Variants in EPHA7 observed in about 807,000 individuals in gnomAD.
EPHA7 encodes EPH receptor A7.
In EPHA7, 25 loss-of-function variants were observed where a neutral mutation model predicts 112.6. The ratio of observed to expected loss-of-function variants is 0.22; its 90% CI spans 0.16 to 0.31. The LOEUF is 0.31. Among genes scored for constraint, EPHA7 ranks in the 10% least tolerant of loss-of-function variants. EPHA7 has a pLI of 1.00. For missense variants in EPHA7, 962 were observed against 1,212.6 expected, an observed-to-expected ratio of 0.79 and a Z score of 3.07; for synonymous variants, 437 against 406.5, an observed-to-expected ratio of 1.07 and a Z score of -0.90.
chr6:93,272,272 A>G, intron 6 of EPHA7, 26 bp downstream of exon 6: 2 of 1,610,380 alleles, frequency 1.2e-6, no homozygotes, highest in Non-Finnish European at 1.7e-6. Flanking sequence ...AGCACATTGT[A>G]CATTTCAGTT....
In EPHA7 at chr6:93,410,691, G is replaced by A. The variant is rs1778934817; in HGVS notation, c.642C>T (p.Ile214=). The A allele has an allele frequency of 1.2e-6, 2 of 1,614,060 alleles. No individual in the cohort carries two copies. Among genetic ancestry groups the A allele is most frequent in the Non-Finnish European group, 1.7e-6 (2 of 1,179,972 alleles). Residue 214 remains isoleucine, a synonymous_variant, in exon 3 of 17, where the codon ATC becomes ATT. Transcript: ENST00000369303. The surrounding 1 kb of genome is among the most constrained non-coding windows in gnomAD (Gnocchi z 4.0). ...CTGAACCAGTCACTGTATCTGGAAA[G>A]ATAGCTAAGTTCTCAATAATGGACC... The part of the protein sequence containing the change: ...KCWSIIENLA[I]FPDTVTGSEF...
chr6:93,269,413 G>GA (rs1159580559), intron 7 of EPHA7, 64 bp downstream of exon 7: 2 of 1,406,702 alleles, frequency 1.4e-6, no homozygotes, highest in East Asian at 2.4e-5. Context: ...CCTCAATATT[G>GA]AAAAAAATAT....
intron 16 of EPHA7, among the ~76,000 whole-genome samples, chr6:93,244,897 C>G (rs967049953): frequency 6.6e-6 from 1 of 152,032 alleles, no homozygotes; most frequent in African/African-American, 2.4e-5. Context: ...GAAAGTTTCC[C>G]CAGTGAATAG....
chr6:93,373,883 TA>T (rs1776924078), intron 3 of EPHA7, among the ~76,000 whole-genome samples: 1 of 152,046 alleles, frequency 6.6e-6, no homozygotes, highest in South Asian at 2.1e-4. Flanking sequence ...TCATTTGACA[TA>T]TACTAGTACA....
chr6:93,372,997 TATACTCTTACA>T (rs149317651), intron 3 of EPHA7, among the ~76,000 whole-genome samples: 4,367 of 152,160 alleles, frequency 0.029, 110 homozygotes, highest in Non-Finnish European at 0.039. Context: ...AATTATGGTA[TATACTCTTACA>T]ATTTAGAGTG....
At chr6:93,331,136 TA>T in intron 5 of EPHA7, among the ~76,000 whole-genome samples, 1 of 151,482 alleles carries the variant, frequency 6.6e-6, no homozygotes, top group Non-Finnish European at 1.5e-5. Context: ...GGAAATGCAG[TA>T]AATCTGTAAA....
At chr6:93,299,499 T>C (rs1402838772) in intron 5 of EPHA7, among the ~76,000 whole-genome samples, 1 of 152,078 alleles carries the variant, frequency 6.6e-6, no homozygotes. Context: ...GCTGGCAAGG[T>C]TGCAGAAAAA....
At chr6:93,375,842 A>C (rs758927796) in intron 3 of EPHA7, among the ~76,000 whole-genome samples, 27 of 152,136 alleles carry the variant, frequency 1.8e-4, no homozygotes, top group Admixed American at 3.9e-4. Flanking sequence ...GGAATCTGAC[A>C]ATTTTTCTTC....
chr6:93,358,673 T>C (rs1776085387), intron 3 of EPHA7, among the ~76,000 whole-genome samples: 1 of 152,218 alleles, frequency 6.6e-6, no homozygotes, highest in Non-Finnish European at 1.5e-5. Flanking sequence ...GAAAACTGAA[T>C]ACAGGCATAA....
At chr6:93,403,827 AC>A (rs1778553732) in intron 3 of EPHA7, among the ~76,000 whole-genome samples, 1 of 152,120 alleles carries the variant, frequency 6.6e-6, no homozygotes, top group Non-Finnish European at 1.5e-5. Flanking sequence ...GGAGAATGGT[AC>A]CGCCAGTAAC....
rs138194107 is a variant in EPHA7, at chr6:93,272,403, T to A, written c.1344A>T (p.Gly448=). 1.6e-3 allele frequency: 2,579 copies of A among 1,612,014 alleles called. 3 individuals carry two copies. The highest frequency in any genetic ancestry group is 1.9e-3 in the Non-Finnish European group (2,264 of 1,178,592). ...GCTGCAGTACTCTCTCCTTCATTAC[T>A]CCACTCACTTGCGAGGGAGCTGTTT... ...TGQAAPSQVS[G]VMKERVLQRS... Residue 448 remains glycine, a synonymous_variant, in exon 6 of 17, where the codon GGA becomes GGT. Coordinates refer to ENST00000369303, the MANE Select transcript of EPHA7 (RefSeq NM_004440.4).
intron 3 of EPHA7, among the ~76,000 whole-genome samples, chr6:93,372,867 C>A (rs1341750818): frequency 4.6e-5 from 7 of 151,976 alleles, no homozygotes; most frequent in African/African-American, 1.7e-4. Context: ...ATTGGCTTTG[C>A]CTTAATATCT....
chr6:93,413,310 C>T (rs543316340), intron 2 of EPHA7, among the ~76,000 whole-genome samples: 6 of 151,962 alleles, frequency 3.9e-5, no homozygotes, highest in Middle Eastern at 3.4e-3. Context: ...ATACTTTGGA[C>T]TGATAAAATG....
intron 9 of EPHA7, chr6:93,260,481 C>CA: frequency 4.4e-6 from 4 of 916,132 alleles, no homozygotes; most frequent in Non-Finnish European, 5.2e-6. Context: ...ACTATATCCT[C>CA]AAAAAAACTT....
chr6:93,334,522 A>G (rs117055773), intron 5 of EPHA7, among the ~76,000 whole-genome samples: 3,153 of 152,242 alleles, frequency 0.021, 37 homozygotes, highest in Middle Eastern at 0.075. Context: ...AGAATCTATT[A>G]GGAACTTAAA....
At chr6:93,295,111 GGA>G (rs145804462) in intron 5 of EPHA7, among the ~76,000 whole-genome samples, 12 of 151,542 alleles carry the variant, frequency 7.9e-5, no homozygotes, top group South Asian at 2.1e-4. Flanking sequence ...GGGAGAATGG[GGA>G]GAGAGAGAGA....
chr6:93,392,837 CAAG>C (rs1777979101), intron 3 of EPHA7, among the ~76,000 whole-genome samples: 1 of 151,674 alleles, frequency 6.6e-6, no homozygotes, highest in African/African-American at 2.4e-5. Flanking sequence ...ATTTTTCAGA[CAAG>C]GACTTTACAA....
chr6:93,284,632 G>C (rs1771965896), intron 5 of EPHA7, among the ~76,000 whole-genome samples: 1 of 152,088 alleles, frequency 6.6e-6, no homozygotes. Flanking sequence ...TAAAGAAAAT[G>C]TGCTAAATAT....
chr6:93,405,198 A>T (rs1271761275), intron 3 of EPHA7, among the ~76,000 whole-genome samples: 1 of 151,868 alleles, frequency 6.6e-6, no homozygotes, highest in East Asian at 1.9e-4. Context: ...ATGTCATTTT[A>T]TACAAATTTT....
Sources: allele counts gnomAD v4.1 joint callset (sites outside exome capture counted in the v4.1 genomes callset), GRCh38; gene constraint gnomAD v4.1.1; non-coding constraint Gnocchi (gnomAD v3.1); transcripts MANE v1.5; gene names NCBI Gene and HGNC (gene_info 2026-07-23, HGNC 2026-07-21).